Variants in NFIB observed in about 807,000 individuals in gnomAD.
NFIB encodes the protein nuclear factor 1 B-type.
Under a neutral mutation model 61.5 loss-of-function variants are expected in NFIB, and 11 were observed. The observed-to-expected ratio is 0.18, with a 90% CI of 0.11 to 0.30. The LOEUF (loss-of-function observed/expected upper bound fraction) is 0.30, where lower values mean the gene tolerates loss of function less well. Ranked by LOEUF, NFIB falls within the 10% of genes least tolerant of loss-of-function variation. NFIB has a pLI of 1.00. For missense variants in NFIB, 471 were observed against 608.9 expected (o/e 0.77, Z 2.38); for synonymous variants, 260 against 216.5 (o/e 1.20, Z -1.76).
chr9:14,187,059 G>C (rs1043807521), intron 2 of NFIB, among the ~76,000 whole-genome samples: 4 of 142,516 alleles, frequency 2.8e-5, no homozygotes, highest in Non-Finnish European at 6.2e-5. Context: ...GTGTGTGTGT[G>C]TGTGTGTGTG....
At chr9:14,474,617 C>T in the NFIB span, among the ~76,000 whole-genome samples, 2 of 152,094 alleles carry the variant, frequency 1.3e-5, no homozygotes, top group African/African-American at 4.8e-5. Flanking sequence ...CTGGGTGGGA[C>T]CTAAGATATG....
the NFIB span, among the ~76,000 whole-genome samples, chr9:14,512,268 G>A: frequency 7.9e-5 from 12 of 152,064 alleles, no homozygotes; most frequent in Admixed American, 6.6e-4. Context: ...ACTTTTAGAG[G>A]GGTTCAGAGT....
chr9:14,526,578 C>T, the NFIB span, among the ~76,000 whole-genome samples: 1 of 152,184 alleles, frequency 6.6e-6, no homozygotes, highest in Non-Finnish European at 1.5e-5. Context: ...ATGTAATTCT[C>T]TTTTCCTGCC....
At chr9:14,409,767 G>A in the NFIB span, among the ~76,000 whole-genome samples, 1 of 152,138 alleles carries the variant, frequency 6.6e-6, no homozygotes, top group African/African-American at 2.4e-5. Flanking sequence ...TATATCTCAA[G>A]AAACCAGTTA....
the NFIB span, among the ~76,000 whole-genome samples, chr9:14,427,949 T>TTTTG: frequency 1.1e-5 from 1 of 90,094 alleles, no homozygotes; most frequent in African/African-American, 5.5e-5. Flanking sequence ...TTTTTTTTTT[T>TTTTG]TTTTTTTTTT....
At chr9:14,231,062 A>G (rs1419533825) in intron 2 of NFIB, among the ~76,000 whole-genome samples, 1 of 147,684 alleles carries the variant, frequency 6.8e-6, no homozygotes, top group African/African-American at 2.5e-5. Flanking sequence ...AGAACAAACC[A>G]CTAAGAAATA....
At chr9:14,456,985 T>C in the NFIB span, among the ~76,000 whole-genome samples, 2 of 152,206 alleles carry the variant, frequency 1.3e-5, no homozygotes, top group East Asian at 1.9e-4. Flanking sequence ...AGGTCCATAA[T>C]TGAACAATGT....
At chr9:14,276,880 A>G (rs1369119801) in intron 2 of NFIB, among the ~76,000 whole-genome samples, 1 of 151,950 alleles carries the variant, frequency 6.6e-6, no homozygotes, top group Non-Finnish European at 1.5e-5. Flanking sequence ...TTTAAAAAGT[A>G]CATCTTTTCT....
the NFIB span, among the ~76,000 whole-genome samples, chr9:14,461,867 T>C: frequency 1.6e-4 from 25 of 152,346 alleles, no homozygotes; most frequent in African/African-American, 6.0e-4. Context: ...AATGGCATTA[T>C]GGTATCTTCC....
chr9:14,156,438 A>C (rs113177677), intron 3 of NFIB, among the ~76,000 whole-genome samples: 1,551 of 152,302 alleles, frequency 0.01, 28 homozygotes, highest in African/African-American at 0.034. Flanking sequence ...CAAATACAGA[A>C]CTTTGCGTTG....
intron 1 of NFIB, among the ~76,000 whole-genome samples, chr9:14,346,140 G>T (rs1004973308): frequency 6.6e-6 from 1 of 152,110 alleles, no homozygotes; most frequent in African/African-American, 2.4e-5. Context: ...CGGGGGGCGC[G>T]TGGGGCACGT....
chr9:14,169,180 T>C lies in NFIB; in HGVS notation c.616+10547A>G, dbSNP rs139173236. On this transcript the variant is annotated intron_variant, in intron 3 of 10. Transcript: ENST00000380953. ...ACACAATGGAGCCAGCATCTTACCA[T>C]TCATCATGTCACTGTTTGTTTCATG... 2.2e-3 allele frequency among the ~76,000 whole-genome samples: 329 copies of C among 152,308 alleles called. 1 individual carries two copies. The highest frequency in any genetic ancestry group is 7.7e-3 in the African/African-American group (319 of 41,556).
At chr9:14,512,989 A>T in the NFIB span, among the ~76,000 whole-genome samples, 12 of 151,854 alleles carry the variant, frequency 7.9e-5, no homozygotes, top group Non-Finnish European at 1.6e-4. Context: ...AGAATTTTCA[A>T]GACAATGTAA....
At chr9:14,500,246 G>C in the NFIB span, among the ~76,000 whole-genome samples, 1 of 152,178 alleles carries the variant, frequency 6.6e-6, no homozygotes, top group Admixed American at 6.6e-5. Flanking sequence ...AACCCAGGAA[G>C]CCTGGCTTCT....
intron 6 of NFIB, among the ~76,000 whole-genome samples, chr9:14,132,770 T>G (rs902149704): frequency 7.2e-5 from 11 of 152,178 alleles, no homozygotes; most frequent in African/African-American, 2.7e-4. Flanking sequence ...CTGGCTATAT[T>G]GCCCAGGCTG....
In NFIB at chr9:14,083,864, T is replaced by C; in HGVS notation, c.*4445A>G. The C allele has an allele frequency of 4.4e-6, 1 of 225,272 alleles. No homozygotes were observed. Among genetic ancestry groups the C allele is most frequent in the Non-Finnish European group, 8.9e-6 (1 of 112,908 alleles). 14.0% of individuals were successfully genotyped at this position (225,272 alleles called of 1,614,324 possible). ...ACGTTATGTGAGACATAGCACTGTT[T>C]TAGTTTTCTGCCTATCCTGAATGCT... On this transcript the variant is annotated 3_prime_UTR_variant, in exon 11 of 11. Coordinates refer to ENST00000380953, the MANE Select transcript of NFIB (RefSeq NM_001190737.2).
the NFIB span, among the ~76,000 whole-genome samples, chr9:14,425,076 G>A: frequency 4.6e-5 from 7 of 152,272 alleles, no homozygotes; most frequent in South Asian, 2.1e-4. Context: ...GGGTTTAGCC[G>A]CTGGCATGGA....
At chr9:14,102,155 TC>T (rs2035872102) in intron 10 of NFIB, among the ~76,000 whole-genome samples, 1 of 151,132 alleles carries the variant, frequency 6.6e-6, no homozygotes, top group African/African-American at 2.4e-5. Context: ...TTCCACCCCC[TC>T]CCCCACCAAA....
At chr9:14,348,410 C>G (rs552986924) in intron 1 of NFIB, among the ~76,000 whole-genome samples, 1 of 151,716 alleles carries the variant, frequency 6.6e-6, no homozygotes, top group Non-Finnish European at 1.5e-5. Flanking sequence ...CGCTGAGCGC[C>G]GTTCCAAACG....
Sources: gnomAD v4.1 joint callset for allele counts (sites outside exome capture counted in the v4.1 genomes callset) on GRCh38, gnomAD v4.1.1 for gene constraint, MANE v1.5 for transcripts, NCBI Gene and HGNC (gene_info 2026-07-23, HGNC 2026-07-21) for gene names.